KCND2: variants seen among roughly 807,000 people sequenced by gnomAD.
The protein encoded by KCND2 is potassium voltage-gated channel subfamily D member 2.
A neutral mutation model predicts 54.4 loss-of-function variants in KCND2; 16 were observed. That is an observed-to-expected ratio of 0.29 (90% confidence interval 0.20 to 0.45). The LOEUF (loss-of-function observed/expected upper bound fraction) is 0.45. Among genes scored for constraint, KCND2 ranks in the 20% least tolerant of loss-of-function variants. The pLI, the probability that KCND2 is intolerant of heterozygous loss-of-function variation, is 1.00. For synonymous variants in KCND2, 317 were observed against 310.7 expected, an observed-to-expected ratio of 1.02 and a Z score of -0.21; for missense variants, 486 against 824.2, an observed-to-expected ratio of 0.59 and a Z score of 5.02.
rs1312781755 is a variant in KCND2 at position 120,748,676 on chromosome 7, G to T, written c.*818G>T. 1 of 152,372 alleles carries T rather than the reference G, an allele frequency of 6.6e-6. No homozygotes were observed. Among genetic ancestry groups the T allele is most frequent in the Non-Finnish European group, 1.5e-5 (1 of 67,900 alleles). The allele number at this position is 152,372 out of a possible 1,614,324, so 9.4% of individuals were successfully genotyped here. ...TACTTTCCAGATCCTTATAGATACG[G>T]TAAGAGCCACATTCGTAGAAAAACT... is the stretch of plus-strand genomic sequence containing the variant. On this transcript the variant is annotated 3_prime_UTR_variant, in exon 6 of 6. Transcript: ENST00000331113.
At chr7:120,727,986 T>C (rs951801839) in intron 1 of KCND2, among the ~76,000 whole-genome samples, 5 of 151,384 alleles carry the variant, frequency 3.3e-5, no homozygotes, top group African/African-American at 1.2e-4. Context: ...ATACAAAAAT[T>C]AGCTGGGTGT....
chr7:120,289,907 C>T lies in KCND2; in HGVS notation c.1115+14160C>T, dbSNP rs145358301. On this transcript the variant is annotated intron_variant, in intron 1 of 5. Transcript: ENST00000331113. ...GTGTTTCACTGAAGCAATACACATA[C>T]GATTTAATTTTAATAAGTAGTTTCG... 5.5e-3 allele frequency among the ~76,000 whole-genome samples: 831 copies of T among 152,174 alleles called. 7 individuals carry two copies. The highest frequency in any genetic ancestry group is 0.019 in the African/African-American group (803 of 41,526).
At chr7:120,403,158 T>C (rs1173107734) in intron 1 of KCND2, among the ~76,000 whole-genome samples, 1 of 152,154 alleles carries the variant, frequency 6.6e-6, no homozygotes, top group African/African-American at 2.4e-5. Context: ...CCAAACCAAA[T>C]TATAATATCT....
intron 1 of KCND2, among the ~76,000 whole-genome samples, chr7:120,663,654 A>G (rs934928484): frequency 1.3e-5 from 2 of 152,168 alleles, no homozygotes; most frequent in African/African-American, 2.4e-5. Flanking sequence ...ATTTTTCTCT[A>G]TGCTCACAAA....
chr7:120,412,797 G>C (rs1024433261), intron 1 of KCND2, among the ~76,000 whole-genome samples: 1 of 152,000 alleles, frequency 6.6e-6, no homozygotes, highest in Non-Finnish European at 1.5e-5. Flanking sequence ...CTTTCTGGTA[G>C]AATGTTATTC....
Position 120,419,556 on chromosome 7 carries a change from C to CA in KCND2, c.1115+143813dup, listed in dbSNP as rs1042104567. 2.6e-5 allele frequency among the ~76,000 whole-genome samples: 4 copies of CA among 152,022 alleles called. 1 individual carries two copies. The highest frequency in any genetic ancestry group is 9.7e-5 in the African/African-American group (4 of 41,356). On this transcript the variant is annotated intron_variant, in intron 1 of 5. Transcript: ENST00000331113. Reference sequence around the variant, plus strand: ...CTCTTGGTGCTCCTCCAAATGGGTGCAAAACCACTAGAGCATTTTGATTCA... The same window carrying CA: ...CTCTTGGTGCTCCTCCAAATGGGTGCAAAAACCACTAGAGCATTTTGATTCA...
intron 1 of KCND2, among the ~76,000 whole-genome samples, chr7:120,609,005 CTT>C (rs941662461): frequency 2.0e-5 from 3 of 152,078 alleles, no homozygotes. Context: ...AAATATGTCT[CTT>C]TGTGGGATTT....
intron 1 of KCND2, among the ~76,000 whole-genome samples, chr7:120,446,665 G>T (rs919413452): frequency 1.3e-5 from 2 of 152,064 alleles, no homozygotes; most frequent in Non-Finnish European, 2.9e-5. Flanking sequence ...ACTGATTCAG[G>T]AACACTAAAT....
At chr7:120,548,629 T>C (rs549227670) in intron 1 of KCND2, among the ~76,000 whole-genome samples, 59 of 152,236 alleles carry the variant, frequency 3.9e-4, no homozygotes, top group African/African-American at 1.3e-3. Flanking sequence ...CAGTACAATG[T>C]GCACATTTCA....
intron 1 of KCND2, among the ~76,000 whole-genome samples, chr7:120,716,687 A>T (rs1028508368): frequency 1.3e-5 from 2 of 152,124 alleles, no homozygotes; most frequent in African/African-American, 4.8e-5. Flanking sequence ...CCCAGTCTTC[A>T]TTTCTAGGCC....
chr7:120,463,149 G>T (rs1437687559), intron 1 of KCND2, among the ~76,000 whole-genome samples: 2 of 151,772 alleles, frequency 1.3e-5, no homozygotes, highest in South Asian at 4.2e-4. Context: ...TTCTTCCCCC[G>T]CCCTTACAGA....
chr7:120,737,396 G>A (rs1194425934), intron 2 of KCND2, among the ~76,000 whole-genome samples: 1 of 151,920 alleles, frequency 6.6e-6, no homozygotes, highest in Non-Finnish European at 1.5e-5. Context: ...ATTTGGTCTT[G>A]GATGCTCTCC....
chr7:120,312,735 C>T (rs1799756861), intron 1 of KCND2, among the ~76,000 whole-genome samples: 2 of 152,098 alleles, frequency 1.3e-5, no homozygotes, highest in South Asian at 4.2e-4. Flanking sequence ...CATTATCATC[C>T]ATGACATTAC....
chr7:120,401,985 G>A (rs994279872), intron 1 of KCND2, among the ~76,000 whole-genome samples: 1 of 152,056 alleles, frequency 6.6e-6, no homozygotes, highest in African/African-American at 2.4e-5. Flanking sequence ...ATTAGGGCCC[G>A]ATGGCTCAAT....
intron 1 of KCND2, among the ~76,000 whole-genome samples, chr7:120,355,788 T>C (rs1265282991): frequency 6.6e-6 from 1 of 152,192 alleles, no homozygotes; most frequent in Non-Finnish European, 1.5e-5. Context: ...TGTCTGTATC[T>C]TCTGTGAGGA....
intron 1 of KCND2, among the ~76,000 whole-genome samples, chr7:120,284,296 C>T (rs951968782): frequency 6.6e-6 from 1 of 151,374 alleles, no homozygotes; most frequent in African/African-American, 2.4e-5. Context: ...CATGCACACG[C>T]ACACACACAC....
At chr7:120,312,911 G>A (rs1799760024) in intron 1 of KCND2, among the ~76,000 whole-genome samples, 1 of 152,136 alleles carries the variant, frequency 6.6e-6, no homozygotes, top group Non-Finnish European at 1.5e-5. Context: ...AAAAAAGACT[G>A]ATGACATCCT....
At chr7:120,443,352 AAATAAT>A (rs139962538) in intron 1 of KCND2, among the ~76,000 whole-genome samples, 16,048 of 146,522 alleles carry the variant, frequency 0.11, 1,093 homozygotes, top group Non-Finnish European at 0.15. Context: ...TAACAATAAT[AAATAAT>A]AATAATAATA....
chr7:120,472,431 T>G (rs2116262711), intron 1 of KCND2, among the ~76,000 whole-genome samples: 1 of 152,200 alleles, frequency 6.6e-6, no homozygotes. Context: ...CTGCATGGGC[T>G]TCCGAATAAC....
Sources: gnomAD v4.1 joint callset for allele counts (sites outside exome capture counted in the v4.1 genomes callset) on GRCh38, gnomAD v4.1.1 for gene constraint, MANE v1.5 for transcripts, NCBI Gene and HGNC (gene_info 2026-07-23, HGNC 2026-07-21) for gene names.